P4HA3: variants seen among roughly 807,000 people sequenced by gnomAD.
P4HA3 encodes the protein prolyl 4-hydroxylase subunit alpha 3, also known as prolyl 4-hydroxylase subunit alpha-3.
Under a neutral mutation model 66.7 loss-of-function variants are expected in P4HA3, and 60 were observed. The observed-to-expected ratio is 0.90, with a 90% CI of 0.73 to 1.12. The LOEUF (loss-of-function observed/expected upper bound fraction) is 1.12. Ranked by LOEUF, P4HA3 falls within the 50% of genes most tolerant of loss-of-function variation. The pLI, the probability that P4HA3 is intolerant of heterozygous loss-of-function variation, is 0.00. For synonymous variants in P4HA3, 263 were observed against 274.6 expected (o/e 0.96, Z 0.42); for missense variants, 683 against 685.8 (o/e 1.00, Z 0.05).
chr11:74,265,554 G>A (rs1391504832), downstream of P4HA3, among the ~76,000 whole-genome samples: 2 of 152,202 alleles, frequency 1.3e-5, no homozygotes, highest in African/African-American at 4.8e-5. Flanking sequence ...GGCCTTAAAT[G>A]TTCTCTTGGC....
At chr11:74,269,170 T>G (rs1860100773) in intron 11 of P4HA3, among the ~76,000 whole-genome samples, 1 of 148,114 alleles carries the variant, frequency 6.8e-6, no homozygotes, top group Admixed American at 6.7e-5. Flanking sequence ...GAAGCAAACC[T>G]CTTAGACTCA....
chr11:74,292,657 G>A (rs546981597), intron 4 of P4HA3, among the ~76,000 whole-genome samples: 24 of 152,052 alleles, frequency 1.6e-4, no homozygotes, highest in South Asian at 6.2e-4. Context: ...CTTTGTTCTC[G>A]TTGGTTTCAA....
At chr11:74,302,256 A>G (rs1861430672) in intron 3 of P4HA3, 113 bp downstream of exon 3, 1 of 1,017,286 alleles carries the variant, frequency 9.8e-7, no homozygotes, top group South Asian at 1.7e-5. Context: ...AAATGATATC[A>G]AATTTCCAAG....
At chr11:74,262,133 C>G (rs1472426757), downstream of P4HA3, among the ~76,000 whole-genome samples, 3 of 152,138 alleles carry the variant, frequency 2.0e-5, no homozygotes, top group East Asian at 5.8e-4. Flanking sequence ...ATCTATGGGG[C>G]TCCATCTGAG....
At chr11:74,297,935 T>C (rs1247133928) in intron 4 of P4HA3, among the ~76,000 whole-genome samples, 1 of 152,180 alleles carries the variant, frequency 6.6e-6, no homozygotes, top group African/African-American at 2.4e-5. Context: ...ACATGGGAAA[T>C]AATGATTGTA....
chr11:74,273,653 C>G (rs564938097), intron 9 of P4HA3, 46 bp from the exon 10 acceptor site: 2 of 1,437,404 alleles, frequency 1.4e-6, no homozygotes, highest in African/African-American at 1.5e-5. Context: ...CAGATGGCAC[C>G]AGAGGGACAG....
intron 1 of P4HA3, among the ~76,000 whole-genome samples, chr11:74,305,968 G>C (rs1374907639): frequency 6.6e-6 from 1 of 152,126 alleles, no homozygotes; most frequent in Non-Finnish European, 1.5e-5. Context: ...GAGAGGGGAT[G>C]ATTAATTTGG....
chr11:74,299,033 A>G (rs1234329491), intron 3 of P4HA3, among the ~76,000 whole-genome samples: 1 of 152,266 alleles, frequency 6.6e-6, no homozygotes, highest in Non-Finnish European at 1.5e-5. Context: ...CTATGTGCCT[A>G]GTGGCCCTGT....
At chr11:74,284,617 T>G (rs1211675904) in intron 7 of P4HA3, among the ~76,000 whole-genome samples, 1 of 152,098 alleles carries the variant, frequency 6.6e-6, no homozygotes, top group Non-Finnish European at 1.5e-5. Context: ...GCCATGGTAA[T>G]GGGAGAAGTG....
rs189847284 is a variant in P4HA3 at position 74,261,631 on chromosome 11, T to C, written c.*1105-1495A>G. Among the ~76,000 whole-genome samples, 677 of 152,308 alleles carry C rather than the reference T, an allele frequency of 4.4e-3. 1 individual carries two copies. The highest frequency in any genetic ancestry group is 7.8e-3 in the Non-Finnish European group (531 of 68,024). ...TTGTAACTATTTTCACATATGTCAG[T>C]ATTTTCACTAGTATTTCACTAGTAT... On this transcript the variant is annotated intron_variant and NMD_transcript_variant, in intron 14 of 15. Transcript: ENST00000524388.
At chr11:74,253,633 A>G in intron 15 of P4HA3, 2 of 1,122,548 alleles carry the variant, frequency 1.8e-6, no homozygotes, top group South Asian at 1.3e-5. Context: ...CTCCCGGTAG[A>G]CGGGCACCCC....
intron 15 of P4HA3, among the ~76,000 whole-genome samples, chr11:74,257,287 G>A (rs916453970): frequency 6.6e-6 from 1 of 152,156 alleles, no homozygotes; most frequent in African/African-American, 2.4e-5. Context: ...ACCACGCCCA[G>A]CTAATTTTTG....
chr11:74,297,504 T>C (rs78234961), intron 4 of P4HA3, among the ~76,000 whole-genome samples: 4,556 of 152,302 alleles, frequency 0.03, 101 homozygotes, highest in Non-Finnish European at 0.045. Flanking sequence ...CCTTGAAGAC[T>C]GTACAACTCG....
chr11:74,267,410 AG>A (rs1239961861), intron 12 of P4HA3, 92 bp from the exon 13 acceptor site: 2 of 1,470,976 alleles, frequency 1.4e-6, no homozygotes, highest in African/African-American at 1.4e-5. Flanking sequence ...GGCGCGTGTG[AG>A]TGCCCCCTTA....
intron 8 of P4HA3, among the ~76,000 whole-genome samples, chr11:74,278,025 A>G (rs187980664): frequency 6.6e-6 from 1 of 152,348 alleles, no homozygotes; most frequent in East Asian, 1.9e-4. Flanking sequence ...GCCTTCTAAG[A>G]GCTCATGGAT....
At chr11:74,256,361 TC>T (rs1859830724) in intron 15 of P4HA3, among the ~76,000 whole-genome samples, 2 of 152,204 alleles carry the variant, frequency 1.3e-5, no homozygotes, top group Non-Finnish European at 2.9e-5. Flanking sequence ...TTAGGCACTT[TC>T]ATCTCCATTC....
intron 15 of P4HA3, among the ~76,000 whole-genome samples, chr11:74,252,886 G>T (rs1018785114): frequency 1.3e-5 from 2 of 152,102 alleles, no homozygotes; most frequent in African/African-American, 4.8e-5. Context: ...AAACCAGGTG[G>T]TATTGACCCA....
chr11:74,267,026 G>A lies in P4HA3; in HGVS notation c.*222C>T, dbSNP rs1434073823. 6.5e-7 allele frequency: 1 copy of A among 1,530,976 alleles called. No individual in the cohort carries two copies. 94.8% of individuals were successfully genotyped at this position (1,530,976 alleles called of 1,614,324 possible). On this transcript the variant is annotated 3_prime_UTR_variant, in exon 13 of 13. Transcript: ENST00000331597. ...CCTCCACTCCCCCCTCCTTTGTACTGTGCATCCTACTCTGACTTCCGTGGC... is the reference window on the plus strand; with the variant it reads ...CCTCCACTCCCCCCTCCTTTGTACTATGCATCCTACTCTGACTTCCGTGGC...
intron 3 of P4HA3, among the ~76,000 whole-genome samples, chr11:74,298,850 C>T (rs1170314626): frequency 1.3e-5 from 2 of 152,204 alleles, no homozygotes; most frequent in South Asian, 2.1e-4. Flanking sequence ...AGTAGTCCAT[C>T]GTGGCTGTAG....
Sources: gnomAD v4.1 joint callset for allele counts (sites outside exome capture counted in the v4.1 genomes callset) on GRCh38, gnomAD v4.1.1 for gene constraint, MANE v1.5 for transcripts, NCBI Gene and HGNC (gene_info 2026-07-23, HGNC 2026-07-21) for gene names.